The following PLCH1 variants were observed in gnomAD, a reference collection of about 807,000 sequenced individuals.
PLCH1 encodes phospholipase C eta 1.
PLCH1 carries 60 observed loss-of-function variants against 126.7 expected under a neutral mutation model. The ratio of observed to expected loss-of-function variants is 0.47; its 90% CI spans 0.38 to 0.59. The LOEUF (loss-of-function observed/expected upper bound fraction) is 0.59, where lower values mean the gene tolerates loss of function less well. Among genes scored for constraint, PLCH1 ranks in the 20% least tolerant of loss-of-function variants. The pLI is 0.00. For missense variants in PLCH1, 1,723 were observed against 2,040.0 expected (o/e 0.84, Z 2.99); for synonymous variants, 719 against 734.9 (o/e 0.98, Z 0.35).
At chr3:155,713,629 G>A (rs1360628204) in intron 1 of PLCH1, among the ~76,000 whole-genome samples, 1 of 152,168 alleles carries the variant, frequency 6.6e-6, no homozygotes, top group East Asian at 1.9e-4. Context: ...ACTAGTTCAT[G>A]GGACATAGTA....
chr3:155,595,188 T>C (rs901295598), intron 3 of PLCH1, among the ~76,000 whole-genome samples: 12 of 152,190 alleles, frequency 7.9e-5, no homozygotes, highest in African/African-American at 2.9e-4. Context: ...GGCTAGATTG[T>C]GGAGTGGCTG....
intron 1 of PLCH1, among the ~76,000 whole-genome samples, chr3:155,717,865 C>T (rs571582122): frequency 7.0e-4 from 106 of 152,338 alleles, no homozygotes; most frequent in African/African-American, 2.5e-3. Context: ...TGCTCCCCAA[C>T]CTGCTTGAAT....
chr3:155,627,461 T>C (rs1375408180), intron 2 of PLCH1, among the ~76,000 whole-genome samples: 5 of 127,682 alleles, frequency 3.9e-5, no homozygotes, highest in African/African-American at 1.8e-4. Flanking sequence ...AAACCCCGTC[T>C]CTACCAAAAA....
intron 2 of PLCH1, among the ~76,000 whole-genome samples, chr3:155,649,251 GC>G (rs1740412901): frequency 6.6e-6 from 1 of 152,102 alleles, no homozygotes; most frequent in South Asian, 2.1e-4. Context: ...ATTTAGACAT[GC>G]CTGAAGCTGC....
At chr3:155,536,291 A>T in intron 10 of PLCH1, among the ~76,000 whole-genome samples, 1 of 152,222 alleles carries the variant, frequency 6.6e-6, no homozygotes, top group East Asian at 1.9e-4. Flanking sequence ...AAAGATCACA[A>T]TATCTCACCA....
Position 155,550,042 on chromosome 3 carries a change from T to C in PLCH1, c.1191-84A>G, listed in dbSNP as rs1451519278. On this transcript the variant is annotated intron_variant, in intron 9 of 22. Coordinates refer to ENST00000460012, the MANE Select transcript of PLCH1 (RefSeq NM_014996.4). ...TGAAAATGATTCAGTATTCACTGTG[T>C]TGTTACAATCCTAGTGACAGTATTT... 6.4e-6 allele frequency: 6 copies of C among 936,548 alleles called. No homozygotes were observed. The African/African-American group carries it at 9.8e-5, about 15-fold the overall frequency. 58.0% of individuals were successfully genotyped at this position (936,548 alleles called of 1,614,324 possible). A position where few individuals can be genotyped will look rare whatever the true frequency, so the allele number is the denominator to read the frequency against.
chr3:155,738,340 C>T (rs1749352672), intron 1 of PLCH1, among the ~76,000 whole-genome samples: 1 of 152,036 alleles, frequency 6.6e-6, no homozygotes, highest in Admixed American at 6.6e-5. Flanking sequence ...AGGTGTGGTG[C>T]GCTATTAAGA....
In PLCH1 at chr3:155,497,320, C is replaced by G. The variant is rs370321329; in HGVS notation, c.1894G>C (p.Gly632Arg). Residue 632 changes from glycine to arginine, a missense_variant and splice_region_variant, in exon 15 of 23, where the codon GGA (glycine) becomes CGA (arginine). This residue lies in a region of PLCH1 where 776 missense variants were observed against 1,062.9 expected (regional missense o/e 0.73). Transcript: ENST00000460012. ...SVAAQDIVDDGTTGNVLSFSE... is the reference protein window; with the variant it reads ...SVAAQDIVDDRTTGNVLSFSE... ...GAATGAGAAAACTCTCCATCCTTAC[C>G]GTCATCCACAATGTCCTGAGCGGCC... 3.5e-5 allele frequency: 55 copies of G among 1,586,828 alleles called. No homozygotes were observed. The highest frequency in any genetic ancestry group is 4.5e-5 in the Non-Finnish European group (52 of 1,155,518).
chr3:155,639,016 T>C (rs1344200236), intron 2 of PLCH1, among the ~76,000 whole-genome samples: 1 of 152,230 alleles, frequency 6.6e-6, no homozygotes, highest in Non-Finnish European at 1.5e-5. Flanking sequence ...TATATAATTA[T>C]ATTATATTCC....
At chr3:155,602,878 T>G (rs1733915541) in intron 2 of PLCH1, among the ~76,000 whole-genome samples, 1 of 152,228 alleles carries the variant, frequency 6.6e-6, no homozygotes, top group South Asian at 2.1e-4. Context: ...TTTGTGTATA[T>G]GTGTATGTTT....
At chr3:155,475,488 C>T (rs189944616), downstream of PLCH1, among the ~76,000 whole-genome samples, 10 of 151,844 alleles carry the variant, frequency 6.6e-5, no homozygotes, top group South Asian at 2.1e-4. Context: ...AAATAAACAA[C>T]ATTAGAGTGG....
intron 1 of PLCH1, among the ~76,000 whole-genome samples, chr3:155,729,050 C>T (rs760929747): frequency 1.3e-5 from 2 of 152,202 alleles, no homozygotes; most frequent in Non-Finnish European, 2.9e-5. Flanking sequence ...GTGATTTCCA[C>T]ACTTTTTAAA....
intron 22 of PLCH1, among the ~76,000 whole-genome samples, chr3:155,483,799 G>A (rs1210308320): frequency 6.6e-5 from 10 of 152,094 alleles, no homozygotes; most frequent in African/African-American, 1.2e-4. Flanking sequence ...ACAATTCACA[G>A]TAATTTGGGA....
chr3:155,643,681 T>C (rs920426714), intron 2 of PLCH1, among the ~76,000 whole-genome samples: 8 of 152,226 alleles, frequency 5.3e-5, no homozygotes, highest in African/African-American at 1.4e-4. Context: ...TCATTGGACC[T>C]GCCAGTGTGA....
chr3:155,683,180 G>A (rs1436350331), intron 2 of PLCH1, among the ~76,000 whole-genome samples: 1 of 152,174 alleles, frequency 6.6e-6, no homozygotes, highest in Non-Finnish European at 1.5e-5. Context: ...GGACAGAGAT[G>A]AGCCACTCAT....
At chr3:155,665,282 C>T (rs923741085) in intron 2 of PLCH1, among the ~76,000 whole-genome samples, 1 of 152,088 alleles carries the variant, frequency 6.6e-6, no homozygotes, top group African/African-American at 2.4e-5. Flanking sequence ...TGTATTAAGC[C>T]ACTGAGATAG....
Position 155,472,695 on chromosome 3 carries a change from A to C in PLCH1, c.2938+12661T>G, listed in dbSNP as rs376492882. On this transcript the variant is annotated intron_variant, in intron 21 of 21. Coordinates refer to the PLCH1 transcript ENST00000494598. ...AAATCCTCAATAAAATACTGGCAAA[A>C]CGAATCCAGCAGCACATCAAAAAGC... is the stretch of plus-strand genomic sequence containing the variant. Among the ~76,000 whole-genome samples the C allele has an allele frequency of 9.6e-3, 1,443 of 150,046 alleles. 18 individuals carry two copies. Among genetic ancestry groups the C allele is most frequent in the African/African-American group, 0.033 (1,346 of 40,418 alleles).
At chr3:155,675,012 A>G (rs1305658294) in intron 2 of PLCH1, among the ~76,000 whole-genome samples, 3 of 152,172 alleles carry the variant, frequency 2.0e-5, no homozygotes, top group Admixed American at 6.5e-5. Flanking sequence ...AAGTAAGCCA[A>G]ATCCTTCCCT....
At chr3:155,676,373 A>G in intron 2 of PLCH1, 1 of 1,045,842 alleles carries the variant, frequency 9.6e-7, no homozygotes, top group Non-Finnish European at 1.1e-6. Flanking sequence ...TGGGTATGAG[A>G]CATGCATGCT....
Sources: allele counts gnomAD v4.1 joint callset (sites outside exome capture counted in the v4.1 genomes callset), GRCh38; gene constraint gnomAD v4.1.1; regional missense constraint gnomAD v4.1.1; transcripts MANE v1.5; gene names NCBI Gene and HGNC (gene_info 2026-07-23, HGNC 2026-07-21).